PATJ: variants seen among roughly 807,000 people sequenced by gnomAD.
The protein encoded by PATJ is PATJ crumbs cell polarity complex component.
A neutral mutation model predicts 224.9 loss-of-function variants in PATJ; 190 were observed. The observed-to-expected ratio is 0.84, with a 90% CI of 0.75 to 0.95. The LOEUF is 0.95. Among genes scored for constraint, PATJ ranks in the 40% least tolerant of loss-of-function variants. PATJ has a pLI of 0.00. For missense variants in PATJ, 2,121 were observed against 2,270.3 expected (o/e 0.93, Z 1.34); for synonymous variants, 769 against 820.3 (o/e 0.94, Z 1.07).
chr1:61,774,642 C>G, intron 6 of PATJ, among the ~76,000 whole-genome samples: 1 of 152,204 alleles, frequency 6.6e-6, no homozygotes, highest in South Asian at 2.1e-4. Flanking sequence ...CCAGTTAAAT[C>G]CAACCTTTGA....
intron 22 of PATJ, among the ~76,000 whole-genome samples, chr1:61,892,762 A>T (rs1214883612): frequency 1.5e-4 from 9 of 60,844 alleles, no homozygotes; most frequent in Non-Finnish European, 3.3e-4. Flanking sequence ...CCCTATTGTC[A>T]ATATCGCCCA....
chr1:62,122,347 A>G (rs1417943127), intron 38 of PATJ, among the ~76,000 whole-genome samples: 2 of 146,834 alleles, frequency 1.4e-5, no homozygotes, highest in East Asian at 2.0e-4. Context: ...CCTGGGCGAC[A>G]GAGTGAGACT....
intron 27 of PATJ, among the ~76,000 whole-genome samples, chr1:61,952,801 A>T (rs1305941901): frequency 1.3e-5 from 2 of 152,186 alleles, no homozygotes; most frequent in African/African-American, 2.4e-5. Flanking sequence ...GTTACTTGTG[A>T]CTTCACCATA....
chr1:61,999,504 C>T (rs1645615887), intron 28 of PATJ, among the ~76,000 whole-genome samples: 1 of 151,956 alleles, frequency 6.6e-6, no homozygotes, highest in Non-Finnish European at 1.5e-5. Flanking sequence ...CCCATCTCTA[C>T]TAAAAATACA....
At position 62,116,595 on chromosome 1, in the gene PATJ, A is replaced by T; in HGVS notation, c.4719A>T (p.Arg1573Ser). The change falls in exon 36 of 44, where the codon AGA (arginine) becomes AGT (serine). Residue 1573 changes from arginine to serine, a missense_variant. Coordinates refer to ENST00000642238, the MANE Select transcript of PATJ (RefSeq NM_001350145.3). Reference sequence around the variant, plus strand: ...GCGGAGCCGCAGACCTGGATGGGAGATTGATTCAGGGAGATCAGATCTTAT... The same window carrying T: ...GCGGAGCCGCAGACCTGGATGGGAGTTTGATTCAGGGAGATCAGATCTTAT... The part of the protein sequence containing the change: ...VKGGAADLDG[R>S]LIQGDQILSV... The T allele has an allele frequency of 6.2e-7, 1 of 1,613,974 alleles. No homozygotes were observed. Among genetic ancestry groups the T allele is most frequent in the South Asian group, 1.1e-5 (1 of 91,058 alleles).
intron 1 of PATJ, among the ~76,000 whole-genome samples, chr1:61,750,282 A>G (rs1284803865): frequency 6.6e-6 from 1 of 152,170 alleles, no homozygotes; most frequent in East Asian, 1.9e-4. Context: ...GGTTTGGTAG[A>G]TGGCTTTTAG....
At chr1:62,063,129 T>C (rs548679996) in intron 31 of PATJ, among the ~76,000 whole-genome samples, 5 of 152,346 alleles carry the variant, frequency 3.3e-5, no homozygotes, top group South Asian at 2.1e-4. Context: ...CTAGGATTTT[T>C]ATACTTTTAG....
chr1:61,881,623 G>A (rs1035104291), intron 21 of PATJ, among the ~76,000 whole-genome samples: 1 of 151,974 alleles, frequency 6.6e-6, no homozygotes, highest in Admixed American at 6.6e-5. Flanking sequence ...TGTTGTCCAG[G>A]CTGGTCTCGA....
At chr1:61,822,452 G>T (rs190651822) in intron 14 of PATJ, among the ~76,000 whole-genome samples, 141 of 142,138 alleles carry the variant, frequency 9.9e-4, no homozygotes, top group African/African-American at 3.3e-3. Flanking sequence ...AAAAAGAAAA[G>T]AAAAGAAATT....
intron 29 of PATJ, among the ~76,000 whole-genome samples, chr1:62,019,610 T>G (rs145980149): frequency 4.5e-4 from 69 of 151,982 alleles, no homozygotes; most frequent in African/African-American, 1.5e-3. Context: ...TTTCAGAGAG[T>G]GAAAGCTTCC....
In PATJ at chr1:62,133,859, G is replaced by C. The variant is rs574507162; in HGVS notation, c.5271+4914G>C. Among the ~76,000 whole-genome samples, 781 of 150,032 alleles carry C rather than the reference G, an allele frequency of 5.2e-3. 8 individuals are homozygous for C. The highest frequency in any genetic ancestry group is 0.018 in the African/African-American group (735 of 40,890). On this transcript the variant is annotated intron_variant, in intron 41 of 43. Transcript: ENST00000642238. Reference sequence around the variant, plus strand: ...CCTCCTGGGTTCAAGCAATTCTCCTGCATCAGCCTCCCCAGTAGCTGGGAC... The same window carrying C: ...CCTCCTGGGTTCAAGCAATTCTCCTCCATCAGCCTCCCCAGTAGCTGGGAC...
chr1:61,810,397 AGTAAGAAATAC>A (rs1654466341), intron 14 of PATJ, among the ~76,000 whole-genome samples: 1 of 152,058 alleles, frequency 6.6e-6, no homozygotes, highest in South Asian at 2.1e-4. Context: ...TCAAAATGAG[AGTAAGAAATAC>A]AAATACAAAG....
chr1:61,926,371 A>G (rs1675209730), intron 26 of PATJ, among the ~76,000 whole-genome samples: 2 of 152,188 alleles, frequency 1.3e-5, no homozygotes, highest in South Asian at 4.1e-4. Flanking sequence ...TAAATAAATC[A>G]GTGGTACAGT....
chr1:62,020,143 T>C (rs1646996502), intron 29 of PATJ, among the ~76,000 whole-genome samples: 1 of 151,964 alleles, frequency 6.6e-6, no homozygotes, highest in Non-Finnish European at 1.5e-5. Flanking sequence ...GCACTTCAGC[T>C]TGGGCGACAG....
At position 62,153,408 on chromosome 1, in the gene PATJ, G is replaced by A. The variant is rs1482771331; in HGVS notation, c.5429G>A (p.Gly1810Glu). 3.2e-6 allele frequency: 4 copies of A among 1,231,466 alleles called. No homozygotes were observed. The highest frequency in any genetic ancestry group is 2.0e-6 in the Non-Finnish European group (2 of 987,516). The allele number at this position is 1,231,466 out of a possible 1,614,324, so 76.3% of individuals were successfully genotyped here. ...TTGGAGAAAGGCTCTGAAGGCTTGG[G>A]GTTTAGTATTGTAGGGGGTTATGGA... Reference protein sequence around the residue: ...ITLEKGSEGLGFSIVGGYGSP... With the variant: ...ITLEKGSEGLEFSIVGGYGSP... The change falls in exon 43 of 44, where the codon GGG becomes GAG. Residue 1810 changes from glycine to glutamate, a missense_variant. Coordinates refer to ENST00000642238, the MANE Select transcript of PATJ (RefSeq NM_001350145.3).
chr1:62,148,150 G>C (rs535040465), intron 41 of PATJ, 134 bp from the exon 42 acceptor site: 2 of 299,740 alleles, frequency 6.7e-6, no homozygotes, highest in Non-Finnish European at 1.4e-5. Flanking sequence ...AAGTTTGAGA[G>C]AATAGTCCTT....
intron 28 of PATJ, among the ~76,000 whole-genome samples, chr1:61,993,487 A>G (rs1186085634): frequency 3.9e-5 from 6 of 152,116 alleles, no homozygotes; most frequent in Non-Finnish European, 7.3e-5. Context: ...TCGGAACTGA[A>G]CATTCCAAGC....
In PATJ at chr1:61,945,516, C is replaced by T. The variant is rs192820970; in HGVS notation, c.3670+17687C>T. ...CATAATGGGAAAGGGATCAATTCAA[C>T]AAGAAGAGCTAACTATCGTAAATAT... On this transcript the variant is annotated intron_variant, in intron 27 of 43. Coordinates refer to ENST00000642238, the MANE Select transcript of PATJ (RefSeq NM_001350145.3). Among the ~76,000 whole-genome samples the T allele has an allele frequency of 4.6e-3, 698 of 152,210 alleles. 3 individuals are homozygous for T. The highest frequency in any genetic ancestry group is 0.027 in the Middle Eastern group (8 of 294).
chr1:61,753,374 A>G (rs1479598439), intron 1 of PATJ, among the ~76,000 whole-genome samples: 1 of 152,142 alleles, frequency 6.6e-6, no homozygotes, highest in East Asian at 1.9e-4. Context: ...ATTGCAAGTG[A>G]TCATTTTCTC....
Sources: gnomAD v4.1 joint callset for allele counts (sites outside exome capture counted in the v4.1 genomes callset) on GRCh38, gnomAD v4.1.1 for gene constraint, MANE v1.5 for transcripts, NCBI Gene and HGNC (gene_info 2026-07-23, HGNC 2026-07-21) for gene names.